LRP1B: variants seen among roughly 807,000 people sequenced by gnomAD.
LRP1B encodes low-density lipoprotein receptor-related protein 1B.
Under a neutral mutation model 556.6 loss-of-function variants are expected in LRP1B, and 217 were observed. That is an observed-to-expected ratio of 0.39 (90% CI 0.35 to 0.44). The LOEUF (loss-of-function observed/expected upper bound fraction) is 0.44. Among genes scored for constraint, LRP1B ranks in the 20% least tolerant of loss-of-function variants. LRP1B has a pLI of 1.00. For missense variants in LRP1B, 5,053 were observed against 5,620.8 expected, an observed-to-expected ratio of 0.90 and a Z score of 3.23; for synonymous variants, 2,047 against 1,865.8, an observed-to-expected ratio of 1.10 and a Z score of -2.50.
intron 7 of LRP1B, among the ~76,000 whole-genome samples, chr2:141,063,272 T>G (rs1387684654): frequency 6.6e-6 from 1 of 151,848 alleles, no homozygotes; most frequent in Admixed American, 6.6e-5. Context: ...TTTTAGTTAC[T>G]TTTCTCAACA....
chr2:141,533,281 T>A (rs1243931756), intron 2 of LRP1B, among the ~76,000 whole-genome samples: 1 of 152,186 alleles, frequency 6.6e-6, no homozygotes, highest in Non-Finnish European at 1.5e-5. Flanking sequence ...GCGTATGAAA[T>A]GAATTCATTA....
At chr2:141,728,304 C>T (rs867383937) in intron 2 of LRP1B, among the ~76,000 whole-genome samples, 4 of 151,952 alleles carry the variant, frequency 2.6e-5, no homozygotes, top group South Asian at 2.1e-4. Context: ...GCCTGGCCCT[C>T]TTTCTTTGTT....
intron 1 of LRP1B, among the ~76,000 whole-genome samples, chr2:141,909,668 C>A (rs570288840): frequency 6.6e-6 from 1 of 150,814 alleles, no homozygotes; most frequent in East Asian, 2.0e-4. Flanking sequence ...CACTGAACCA[C>A]AGCAGTAGCA....
chr2:140,300,884 T>A (rs1296219229), intron 83 of LRP1B, among the ~76,000 whole-genome samples: 1 of 152,112 alleles, frequency 6.6e-6, no homozygotes, highest in Non-Finnish European at 1.5e-5. Context: ...TAGCTCTGAT[T>A]ATTATTATCG....
At chr2:141,234,366 T>A (rs1440285468) in intron 5 of LRP1B, among the ~76,000 whole-genome samples, 1 of 152,070 alleles carries the variant, frequency 6.6e-6, no homozygotes, top group Admixed American at 6.6e-5. Context: ...CAATTATTTA[T>A]TTTTTATTTT....
chr2:141,282,513 G>GTATATGTATATC lies in LRP1B; in HGVS notation c.344-27873_344-27872insGATATACATATA, dbSNP rs1397553614. Reference sequence around the variant, plus strand: ...TGTATATGTATATGTATATGTATATGTATATCTATATAGGTTCAAAGGAAG... The same window carrying GTATATGTATATC: ...TGTATATGTATATGTATATGTATATGTATATGTATATCTATATCTATATAGGTTCAAAGGAAG... On this transcript the variant is annotated intron_variant, in intron 3 of 90. Coordinates refer to ENST00000389484, the MANE Select transcript of LRP1B (RefSeq NM_018557.3). 9.4e-4 allele frequency among the ~76,000 whole-genome samples: 140 copies of GTATATGTATATC among 148,560 alleles called. 1 individual carries two copies. The highest frequency in any genetic ancestry group is 2.8e-3 in the African/African-American group (115 of 40,472).
chr2:140,752,362 C>T (rs1688610625), intron 35 of LRP1B, among the ~76,000 whole-genome samples: 2 of 34,626 alleles, frequency 5.8e-5, no homozygotes, highest in Non-Finnish European at 2.9e-4. Context: ...CCCATTCTGT[C>T]GCCCAGGTTT....
At chr2:140,883,555 T>C (rs1236538265) in intron 25 of LRP1B, among the ~76,000 whole-genome samples, 1 of 142,812 alleles carries the variant, frequency 7.0e-6, no homozygotes, top group Non-Finnish European at 1.6e-5. Context: ...AATGCCCACA[T>C]TTAGAAAAAA....
At chr2:141,230,978 C>T (rs146543912) in intron 5 of LRP1B, among the ~76,000 whole-genome samples, 2 of 152,044 alleles carry the variant, frequency 1.3e-5, no homozygotes, top group African/African-American at 4.8e-5. Context: ...CATTCAATAC[C>T]GATTTTCTGA....
chr2:140,871,708 C>T (rs1175662572), intron 25 of LRP1B, among the ~76,000 whole-genome samples: 2 of 151,976 alleles, frequency 1.3e-5, no homozygotes, highest in African/African-American at 4.8e-5. Flanking sequence ...ATAACAAGGC[C>T]AACATTTTGC....
chr2:141,306,373 C>A (rs1488473025), intron 3 of LRP1B, among the ~76,000 whole-genome samples: 1 of 151,852 alleles, frequency 6.6e-6, no homozygotes, highest in East Asian at 1.9e-4. Flanking sequence ...ATTGATATAT[C>A]CAGGAATTTA....
chr2:141,278,726 C>T (rs1375945222), intron 3 of LRP1B, among the ~76,000 whole-genome samples: 1 of 152,148 alleles, frequency 6.6e-6, no homozygotes, highest in Non-Finnish European at 1.5e-5. Flanking sequence ...TTCACAATTC[C>T]ATACATTCAA....
chr2:141,732,296 C>A (rs776135022), intron 2 of LRP1B, among the ~76,000 whole-genome samples: 1 of 152,104 alleles, frequency 6.6e-6, no homozygotes, highest in Non-Finnish European at 1.5e-5. Flanking sequence ...GATAGTAGGA[C>A]ATAGAAATCA....
At chr2:141,947,340 G>C (rs925658832) in intron 1 of LRP1B, among the ~76,000 whole-genome samples, 2 of 152,192 alleles carry the variant, frequency 1.3e-5, no homozygotes, top group Admixed American at 1.3e-4. Flanking sequence ...GGGAGGATGA[G>C]GCAGGAGAAT....
chr2:141,610,185 G>GT (rs1195563687), intron 2 of LRP1B, among the ~76,000 whole-genome samples: 3 of 138,224 alleles, frequency 2.2e-5, no homozygotes, highest in Non-Finnish European at 4.9e-5. Flanking sequence ...TTCGTGGGGG[G>GT]AGGGATAGCA....
chr2:141,751,546 T>C (rs1476394413), intron 2 of LRP1B, among the ~76,000 whole-genome samples: 2 of 152,072 alleles, frequency 1.3e-5, no homozygotes, highest in African/African-American at 4.8e-5. Flanking sequence ...GGAAGTCTGC[T>C]TCATAAACTA....
At chr2:140,588,845 G>A (rs1682098719) in intron 43 of LRP1B, among the ~76,000 whole-genome samples, 1 of 13,026 alleles carries the variant, frequency 7.7e-5, no homozygotes, top group South Asian at 0.014. Flanking sequence ...TGTAGTCCCA[G>A]CTAACTCGGG....
intron 3 of LRP1B, among the ~76,000 whole-genome samples, chr2:141,310,598 TTCTC>T (rs971724467): frequency 2.5e-4 from 38 of 151,680 alleles, no homozygotes; most frequent in African/African-American, 8.7e-4. Context: ...TTTCTCTCTT[TTCTC>T]TCTCTCTCTC....
At chr2:141,775,743 T>A (rs996203130) in intron 2 of LRP1B, among the ~76,000 whole-genome samples, 1 of 152,182 alleles carries the variant, frequency 6.6e-6, no homozygotes, top group Non-Finnish European at 1.5e-5. Context: ...ATTGTCCTTT[T>A]AATTATTCTA....
Sources: gnomAD v4.1 joint callset for allele counts (sites outside exome capture counted in the v4.1 genomes callset) on GRCh38, gnomAD v4.1.1 for gene constraint, MANE v1.5 for transcripts, NCBI Gene and HGNC (gene_info 2026-07-23, HGNC 2026-07-21) for gene names.